The following ALG14 variants were observed in gnomAD, a reference collection of about 807,000 sequenced individuals.
ALG14 encodes the protein UDP-N-acetylglucosamine transferase subunit ALG14.
ALG14 carries 17 observed loss-of-function variants against 22.8 expected under a neutral mutation model. The ratio of observed to expected loss-of-function variants is 0.75; its 90% CI spans 0.51 to 1.12. ALG14 has a LOEUF of 1.12. ALG14 is among the 50% of genes most tolerant of loss of function. The pLI, the probability that ALG14 is intolerant of heterozygous loss-of-function variation, is 0.00. For synonymous variants in ALG14, 89 were observed against 103.7 expected (o/e 0.86, Z 0.86); for missense variants, 288 against 271.8 (o/e 1.06, Z -0.42).
At chr1:95,026,265 T>C (rs1673812090) in intron 3 of ALG14, among the ~76,000 whole-genome samples, 1 of 152,188 alleles carries the variant, frequency 6.6e-6, no homozygotes, top group Non-Finnish European at 1.5e-5. Flanking sequence ...TCAAGAACTT[T>C]TCCTTTGCAT....
intron 2 of ALG14, among the ~76,000 whole-genome samples, chr1:95,056,891 T>C (rs575905555): frequency 5.9e-4 from 89 of 150,614 alleles, no homozygotes; most frequent in African/African-American, 2.0e-3. Flanking sequence ...ACCCTGTCTC[T>C]ACTAAAAATA....
Position 95,072,940 on chromosome 1 carries a change from G to T in ALG14, c.-42C>A, listed in dbSNP as rs747939953. 71 of 1,610,482 alleles carry T rather than the reference G, an allele frequency of 4.4e-5. No individual in the cohort carries two copies. Among genetic ancestry groups the T allele is most frequent in the Non-Finnish European group, 5.8e-5 (68 of 1,179,046 alleles). ...TGCGTCCAACTTCCGGGGACCAGCCGCTGTCAAAGTTCACAACTACGGGTG... is the reference window on the plus strand; with the variant it reads ...TGCGTCCAACTTCCGGGGACCAGCCTCTGTCAAAGTTCACAACTACGGGTG... On this transcript the variant is annotated 5_prime_UTR_variant, in exon 1 of 4. Coordinates refer to ENST00000370205, the MANE Select transcript of ALG14 (RefSeq NM_144988.4).
chr1:95,014,820 G>A lies in ALG14; in HGVS notation c.420+12309C>T, dbSNP rs576370970. On this transcript the variant is annotated intron_variant, in intron 3 of 3. Transcript: ENST00000370205. ...CAGAGCAATGACATCAGAAAGTCTTGCACCATATTAATAGTTTCAGGCTAT... is the reference window on the plus strand; with the variant it reads ...CAGAGCAATGACATCAGAAAGTCTTACACCATATTAATAGTTTCAGGCTAT... 9.2e-5 allele frequency among the ~76,000 whole-genome samples: 14 copies of A among 152,184 alleles called. 2 individuals carry two copies. In the South Asian group the frequency reaches 2.9e-3, roughly 32 times the overall value.
intron 2 of ALG14, among the ~76,000 whole-genome samples, chr1:95,035,226 CTTCT>C (rs1272572434): frequency 2.0e-5 from 3 of 152,276 alleles, no homozygotes; most frequent in South Asian, 2.1e-4. Context: ...CTCTTTCTCT[CTTCT>C]TTCTTTCTTT....
chr1:95,058,824 T>C (rs938380163), intron 2 of ALG14, among the ~76,000 whole-genome samples: 1 of 151,858 alleles, frequency 6.6e-6, no homozygotes, highest in Non-Finnish European at 1.5e-5. Context: ...GAGATTTAAT[T>C]AAAAAGTGAT....
rs1319644567 is a variant in ALG14 at position 95,001,169 on chromosome 1, T to C, written c.421-17863A>G. Among the ~76,000 whole-genome samples, 5 of 152,336 alleles carry C rather than the reference T, an allele frequency of 3.3e-5. No homozygotes were observed. In the East Asian group the frequency reaches 9.6e-4, roughly 29 times the overall value. ...AGCCCCAGGTGGGAAGAGTACAGTC[T>C]CTTCTTTTCAGCCTTCTCAGTCTAT... On this transcript the variant is annotated intron_variant, in intron 3 of 3. Transcript: ENST00000370205.
chr1:95,007,549 A>G (rs1673251315), intron 3 of ALG14, among the ~76,000 whole-genome samples: 1 of 152,230 alleles, frequency 6.6e-6, no homozygotes, highest in South Asian at 2.1e-4. Flanking sequence ...AAGTTCCATC[A>G]AGGCCCCTGA....
In ALG14 at chr1:95,056,321, C is replaced by A. The variant is rs544891854; in HGVS notation, c.288+8545G>T. Among the ~76,000 whole-genome samples the A allele has an allele frequency of 9.9e-5, 15 of 152,248 alleles. No homozygotes were observed. The South Asian group carries it at 3.1e-3, about 32-fold the overall frequency. ...TTTCAAACATTATACAGAAAGAAAT[C>A]AATTCCAGATGAATTAAAGACAAGT... On this transcript the variant is annotated intron_variant, in intron 2 of 3. Coordinates refer to ENST00000370205, the MANE Select transcript of ALG14 (RefSeq NM_144988.4).
intron 2 of ALG14, among the ~76,000 whole-genome samples, chr1:95,043,306 G>C (rs1674442020): frequency 6.6e-6 from 1 of 152,144 alleles, no homozygotes; most frequent in South Asian, 2.1e-4. Flanking sequence ...CACGTTATAA[G>C]GTCTGGAGAC....
At chr1:95,039,930 T>G (rs1674327269) in intron 2 of ALG14, among the ~76,000 whole-genome samples, 1 of 151,986 alleles carries the variant, frequency 6.6e-6, no homozygotes, top group African/African-American at 2.4e-5. Context: ...CTCAACACTT[T>G]GGGAGGCCGA....
At chr1:95,023,512 C>T (rs1274139715) in intron 3 of ALG14, among the ~76,000 whole-genome samples, 2 of 152,130 alleles carry the variant, frequency 1.3e-5, no homozygotes, top group African/African-American at 4.8e-5. Context: ...AAATAATGGA[C>T]TTCTTTCATA....
At chr1:95,045,959 C>G (rs993112973) in intron 2 of ALG14, among the ~76,000 whole-genome samples, 1 of 109,518 alleles carries the variant, frequency 9.1e-6, no homozygotes, top group Non-Finnish European at 1.9e-5. Flanking sequence ...AATTAGTATA[C>G]TAATAGAATA....
chr1:94,978,519 T>C lies in ALG14; in HGVS notation c.*4557A>G, dbSNP rs1381124853. 1 of 152,132 alleles carries C rather than the reference T, an allele frequency of 6.6e-6. No individual in the cohort carries two copies. The highest frequency in any genetic ancestry group is 1.5e-5 in the Non-Finnish European group (1 of 68,030). The allele number at this position is 152,132 out of a possible 1,614,324, so 9.4% of individuals were successfully genotyped here. On this transcript the variant is annotated 3_prime_UTR_variant, in exon 4 of 4. Transcript: ENST00000370205. Reference sequence around the variant, plus strand: ...GCATTCATTATTCCTTCCACAGGTGTTTCTAAGAACAAGGACTGCAATTCG... The same window carrying C: ...GCATTCATTATTCCTTCCACAGGTGCTTCTAAGAACAAGGACTGCAATTCG...
chr1:95,027,068 G>A, intron 3 of ALG14, 61 bp downstream of exon 3: 1 of 1,585,090 alleles, frequency 6.3e-7, no homozygotes, highest in East Asian at 2.2e-5. Context: ...AGTATGTCCT[G>A]TTACTAACGA....
chr1:95,024,483 C>G (rs1673755938), intron 3 of ALG14, among the ~76,000 whole-genome samples: 1 of 152,160 alleles, frequency 6.6e-6, no homozygotes, highest in South Asian at 2.1e-4. Flanking sequence ...TTAGCAGAAT[C>G]TAATACATGT....
intron 3 of ALG14, chr1:95,022,438 G>C (rs1171147936): frequency 2.4e-6 from 2 of 839,776 alleles, no homozygotes; most frequent in Non-Finnish European, 2.9e-6. Context: ...ACCACTTCTC[G>C]CAGTGGACTC....
intron 3 of ALG14, among the ~76,000 whole-genome samples, chr1:94,997,912 T>A (rs971961082): frequency 6.6e-6 from 1 of 152,166 alleles, no homozygotes; most frequent in African/African-American, 2.4e-5. Context: ...TGCATTACAG[T>A]CTTCTCTCCT....
chr1:94,997,984 A>C (rs1472353393), intron 3 of ALG14, among the ~76,000 whole-genome samples: 1 of 152,094 alleles, frequency 6.6e-6, no homozygotes, highest in African/African-American at 2.4e-5. Context: ...TTGGGGCAAC[A>C]GGTTCTCAGG....
chr1:95,009,218 A>G (rs1673298777), intron 3 of ALG14, among the ~76,000 whole-genome samples: 4 of 150,012 alleles, frequency 2.7e-5, no homozygotes, highest in Non-Finnish European at 5.9e-5. Context: ...TTATATTTAT[A>G]AAATATTATA....
Sources: gnomAD v4.1 joint callset for allele counts (sites outside exome capture counted in the v4.1 genomes callset) on GRCh38, gnomAD v4.1.1 for gene constraint, MANE v1.5 for transcripts, NCBI Gene and HGNC (gene_info 2026-07-23, HGNC 2026-07-21) for gene names.